Variants in GDPD1 observed in about 807,000 individuals in gnomAD.
GDPD1 encodes the protein lysophospholipase D GDPD1.
GDPD1 carries 28 observed loss-of-function variants against 45.1 expected under a neutral mutation model. That is an observed-to-expected ratio of 0.62 (90% CI 0.46 to 0.85). The LOEUF (loss-of-function observed/expected upper bound fraction) is 0.85, where lower values mean the gene tolerates loss of function less well. Among genes scored for constraint, GDPD1 ranks in the 40% least tolerant of loss-of-function variants. The pLI, the probability that GDPD1 is intolerant of heterozygous loss-of-function variation, is 0.00. For synonymous variants in GDPD1, 139 were observed against 131.4 expected (o/e 1.06, Z -0.40); for missense variants, 256 against 364.8 (o/e 0.70, Z 2.43).
intron 1 of GDPD1, among the ~76,000 whole-genome samples, chr17:59,225,090 C>CTTTTTTTTTTTTTTTTTTTTTTTTT (rs796851725): frequency 8.8e-6 from 1 of 113,678 alleles, no homozygotes. Context: ...TCTTTCTTTT[C>CTTTTTTTTTTTTTTTTTTTTTTTTT]TTTTTTTTTT....
At chr17:59,266,273 A>T (rs2047398493) in intron 6 of GDPD1, among the ~76,000 whole-genome samples, 2 of 151,648 alleles carry the variant, frequency 1.3e-5, no homozygotes, top group Admixed American at 1.3e-4. Flanking sequence ...CTGTAATCTT[A>T]GCTACTTGGG....
At chr17:59,272,728 G>T in intron 8 of GDPD1, 57 bp from the exon 9 acceptor site, 1 of 980,980 alleles carries the variant, frequency 1.0e-6, no homozygotes, top group South Asian at 1.3e-5. Context: ...ACTCTAAATT[G>T]ACTAAATTAG....
In GDPD1 at chr17:59,248,795, T is replaced by G; in HGVS notation, c.367+10T>G. 4 of 1,593,760 alleles carry G rather than the reference T, an allele frequency of 2.5e-6. No individual in the cohort carries two copies. Among genetic ancestry groups the G allele is most frequent in the Non-Finnish European group, 3.4e-6 (4 of 1,166,520 alleles). On this transcript the variant is annotated intron_variant, in intron 4 of 9. Coordinates refer to ENST00000284116, the MANE Select transcript of GDPD1 (RefSeq NM_182569.4). ...GTCTCATTTCAAAGAGGTAATATTT[T>G]TTGTTTGTGGCTTAAACATTTGTGT...
intron 4 of GDPD1, chr17:59,249,368 C>G (rs2047236175): frequency 6.6e-6 from 1 of 151,922 alleles, no homozygotes; most frequent in Admixed American, 6.6e-5. Context: ...GCACTCCAGC[C>G]TGGGCAACAA....
At chr17:59,261,118 G>C (rs149101955) in intron 6 of GDPD1, among the ~76,000 whole-genome samples, 438 of 152,200 alleles carry the variant, frequency 2.9e-3, no homozygotes, top group Non-Finnish European at 4.9e-3. Flanking sequence ...GGTGCGTGCT[G>C]CCATGCCCAG....
intron 6 of GDPD1, among the ~76,000 whole-genome samples, chr17:59,264,425 C>T (rs1390274273): frequency 1.3e-5 from 2 of 152,114 alleles, no homozygotes; most frequent in African/African-American, 4.8e-5. Context: ...TCCAGACTAG[C>T]TGGGATTACA....
chr17:59,255,932 C>T (rs1267894948), intron 4 of GDPD1, among the ~76,000 whole-genome samples: 4 of 145,472 alleles, frequency 2.7e-5, no homozygotes, highest in Non-Finnish European at 6.0e-5. Flanking sequence ...CCTGTAGTGC[C>T]AGAGGATTGC....
In GDPD1 at chr17:59,274,163, T is replaced by C. The variant is rs1211512892; in HGVS notation, c.*390T>C. 1 of 960,816 alleles carries C rather than the reference T, an allele frequency of 1.0e-6. No homozygotes were observed. The allele number at this position is 960,816 out of a possible 1,614,324, so 59.5% of individuals were successfully genotyped here. A position where few individuals can be genotyped will look rare whatever the true frequency, so the allele number is the denominator to read the frequency against. ...TATCTAGGTTATTGATCAAGATTTC[T>C]GTAGATGATGCAGTGTTCTATCATA... On this transcript the variant is annotated 3_prime_UTR_variant, in exon 10 of 10. Coordinates refer to ENST00000284116, the MANE Select transcript of GDPD1 (RefSeq NM_182569.4).
rs141991206 is a variant in GDPD1 at position 59,252,259 on chromosome 17, T to C, written c.367+3474T>C. On this transcript the variant is annotated intron_variant, in intron 4 of 9. Transcript: ENST00000284116. ...TACAAAAATTTTTAAATTTTTATTA[T>C]TGTTTTTTGAGATGAGCTTTTGCTT... Among the ~76,000 whole-genome samples, 190 of 151,978 alleles carry C rather than the reference T, an allele frequency of 1.3e-3. 1 individual carries two copies. The South Asian group carries it at 0.034, about 27-fold the overall frequency.
At chr17:59,229,122 GTTA>G (rs71145540) in intron 1 of GDPD1, among the ~76,000 whole-genome samples, 41,985 of 134,086 alleles carry the variant, frequency 0.31, 6,533 homozygotes, top group Middle Eastern at 0.4. Context: ...TCCTCAAATT[GTTA>G]TTATTATTAT....
intron 8 of GDPD1, among the ~76,000 whole-genome samples, chr17:59,271,895 A>G (rs2047447114): frequency 6.6e-6 from 1 of 152,128 alleles, no homozygotes; most frequent in Non-Finnish European, 1.5e-5. Context: ...TCAGCCTCCC[A>G]AAGTGCTGGG....
At chr17:59,272,732 A>T in intron 8 of GDPD1, 53 bp from the exon 9 acceptor site, 1 of 1,030,002 alleles carries the variant, frequency 9.7e-7, no homozygotes, top group Non-Finnish European at 1.5e-6. Context: ...TAAATTGACT[A>T]AATTAGGACT....
At position 59,255,826 on chromosome 17, in the gene GDPD1, T is replaced by C. The variant is rs1430163528; in HGVS notation, c.368-1296T>C. On this transcript the variant is annotated intron_variant, in intron 4 of 9. Coordinates refer to ENST00000284116, the MANE Select transcript of GDPD1 (RefSeq NM_182569.4). ...ATATATATATACGCGTATATATATA[T>C]ACGCGTATATATATATATATATATA... Among the ~76,000 whole-genome samples the C allele has an allele frequency of 1.7e-4, 11 of 66,146 alleles. 1 individual carries two copies. The highest frequency in any genetic ancestry group is 8.8e-4 in the South Asian group (2 of 2,274). The allele number at this position is 66,146 out of a possible 152,430, so 43.4% of individuals were successfully genotyped here.
At chr17:59,230,370 ATTTTTTTTTTTTT>A (rs942416287) in intron 1 of GDPD1, among the ~76,000 whole-genome samples, 5 of 80,078 alleles carry the variant, frequency 6.2e-5, no homozygotes, top group South Asian at 4.4e-4. Flanking sequence ...CAGTTGTAGA[ATTTTTTTTTTTTT>A]TTTTTTTTTT....
At chr17:59,231,434 C>G (rs2047089323) in intron 1 of GDPD1, among the ~76,000 whole-genome samples, 1 of 144,746 alleles carries the variant, frequency 6.9e-6, no homozygotes, top group African/African-American at 2.6e-5. Flanking sequence ...TCACGCCATT[C>G]TCCTGCCTCA....
intron 1 of GDPD1, among the ~76,000 whole-genome samples, chr17:59,230,522 A>G (rs1265911860): frequency 6.6e-6 from 1 of 151,788 alleles, no homozygotes; most frequent in Non-Finnish European, 1.5e-5. Flanking sequence ...AGCTGGGATT[A>G]CAGGCATGCG....
At chr17:59,258,476 G>A (rs902360817) in intron 6 of GDPD1, among the ~76,000 whole-genome samples, 7 of 152,042 alleles carry the variant, frequency 4.6e-5, no homozygotes, top group African/African-American at 1.7e-4. Context: ...CCGGGAAGCA[G>A]AGGTTGCAGT....
intron 2 of GDPD1, among the ~76,000 whole-genome samples, chr17:59,241,965 G>T (rs1340499311): frequency 2.6e-5 from 4 of 152,050 alleles, no homozygotes; most frequent in Non-Finnish European, 4.4e-5. Flanking sequence ...GTGTTTATTA[G>T]ATTAAATTCC....
At position 59,275,362 on chromosome 17, in the gene GDPD1, AGTT is replaced by A. The variant is rs537678462; in HGVS notation, c.*1599_*1601del. On this transcript the variant is annotated 3_prime_UTR_variant, in exon 10 of 10. Transcript: ENST00000284116. Reference sequence around the variant, plus strand: ...ATCTGTAGAGTGAATTAGATTTCTGAGTTGTTGTTGTTAATGGAACATTCTATT... The same window carrying A: ...ATCTGTAGAGTGAATTAGATTTCTGAGTTGTTGTTAATGGAACATTCTATT... The A allele has an allele frequency of 2.4e-4, 140 of 583,452 alleles. No individual in the cohort carries two copies. The African/African-American group carries it at 2.5e-3, about 10-fold the overall frequency. The allele number at this position is 583,452 out of a possible 1,614,324, so 36.1% of individuals were successfully genotyped here. A position where few individuals can be genotyped will look rare whatever the true frequency, so the allele number is the denominator to read the frequency against.
Sources: gnomAD v4.1 joint callset for allele counts (sites outside exome capture counted in the v4.1 genomes callset) on GRCh38, gnomAD v4.1.1 for gene constraint, MANE v1.5 for transcripts, NCBI Gene and HGNC (gene_info 2026-07-23, HGNC 2026-07-21) for gene names.